Variants in SSBP2 observed in about 807,000 individuals in gnomAD.
SSBP2 encodes single-stranded DNA-binding protein 2.
A neutral mutation model predicts 61.8 loss-of-function variants in SSBP2; 17 were observed. That is an observed-to-expected ratio of 0.28 (90% confidence interval 0.19 to 0.41). SSBP2 has a LOEUF of 0.41. SSBP2 is among the 10% of genes least tolerant of loss of function. The pLI is 1.00. For synonymous variants in SSBP2, 139 were observed against 141.3 expected, an observed-to-expected ratio of 0.98 and a Z score of 0.12; for missense variants, 310 against 458.7, an observed-to-expected ratio of 0.68 and a Z score of 2.96.
chr5:81,628,705 TAAAC>T (rs780779243), intron 3 of SSBP2, among the ~76,000 whole-genome samples: 1 of 151,796 alleles, frequency 6.6e-6, no homozygotes, highest in Non-Finnish European at 1.5e-5. Flanking sequence ...ATGGGGTAAA[TAAAC>T]TAAAAAGGAA....
At chr5:81,422,343 A>AG (rs1169643565) in intron 16 of SSBP2, among the ~76,000 whole-genome samples, 1 of 152,164 alleles carries the variant, frequency 6.6e-6, no homozygotes, top group African/African-American at 2.4e-5. Flanking sequence ...AGGACTCCCC[A>AG]GGGAAGAGCA....
intron 4 of SSBP2, among the ~76,000 whole-genome samples, chr5:81,581,077 A>T (rs1774605180): frequency 1.3e-5 from 2 of 152,206 alleles, no homozygotes; most frequent in Non-Finnish European, 1.5e-5. Context: ...TAAACAGTCT[A>T]CTACTCTGGT....
At chr5:81,604,245 C>A (rs1336643721) in intron 4 of SSBP2, among the ~76,000 whole-genome samples, 1 of 148,630 alleles carries the variant, frequency 6.7e-6, no homozygotes, top group African/African-American at 2.5e-5. Flanking sequence ...CATGAATTTT[C>A]TTTTCTTTTC....
intron 10 of SSBP2, among the ~76,000 whole-genome samples, chr5:81,459,293 G>A (rs564346377): frequency 7.2e-5 from 11 of 152,196 alleles, no homozygotes; most frequent in Non-Finnish European, 1.5e-4. Flanking sequence ...TGTTTACTTG[G>A]ATAATATACC....
rs1410144707 is a variant in SSBP2, at chr5:81,554,747, A to G, written c.283-41030T>C. 2.0e-5 allele frequency among the ~76,000 whole-genome samples: 3 copies of G among 152,108 alleles called. 1 individual carries two copies. Among genetic ancestry groups the G allele is most frequent in the Non-Finnish European group, 1.5e-5 (1 of 67,954 alleles). ...GTTTATGGGCAAGCCAGTAATTTGT[A>G]TCCTAAGCTTTTATACTAAGATAGC... is the stretch of plus-strand genomic sequence containing the variant. On this transcript the variant is annotated intron_variant, in intron 4 of 16. Transcript: ENST00000320672.
intron 14 of SSBP2, among the ~76,000 whole-genome samples, chr5:81,440,019 G>T (rs539951844): frequency 1.4e-4 from 21 of 152,046 alleles, no homozygotes; most frequent in Non-Finnish European, 2.1e-4. Context: ...TCTTTATCAC[G>T]AAGACAATGT....
intron 2 of SSBP2, among the ~76,000 whole-genome samples, chr5:81,646,957 A>C (rs1749327077): frequency 6.6e-6 from 1 of 152,038 alleles, no homozygotes; most frequent in African/African-American, 2.4e-5. Context: ...GGAAAACCCA[A>C]GCAGCTAGAT....
chr5:81,458,977 T>C (rs1007232911), intron 10 of SSBP2, among the ~76,000 whole-genome samples: 3 of 152,206 alleles, frequency 2.0e-5, no homozygotes, highest in Non-Finnish European at 4.4e-5. Context: ...CCTATTCTCA[T>C]ACTTTGAGTA....
At chr5:81,523,843 G>C in intron 4 of SSBP2, among the ~76,000 whole-genome samples, 1 of 152,050 alleles carries the variant, frequency 6.6e-6, no homozygotes, top group Admixed American at 6.6e-5. Flanking sequence ...ACCTTAAAGA[G>C]CATTTCGAAA....
chr5:81,478,277 C>A (rs1230246852), intron 6 of SSBP2, among the ~76,000 whole-genome samples: 1 of 152,114 alleles, frequency 6.6e-6, no homozygotes, highest in East Asian at 1.9e-4. Context: ...TCCTCTGCTG[C>A]AGCCTCCCGA....
At chr5:81,493,793 T>G (rs1297524310) in intron 5 of SSBP2, among the ~76,000 whole-genome samples, 1 of 151,908 alleles carries the variant, frequency 6.6e-6, no homozygotes, top group Non-Finnish European at 1.5e-5. Flanking sequence ...AGATGGGTGC[T>G]CGCTCTGCTG....
At chr5:81,712,958 G>A (rs1581402377) in intron 1 of SSBP2, among the ~76,000 whole-genome samples, 2 of 151,824 alleles carry the variant, frequency 1.3e-5, no homozygotes, top group African/African-American at 4.8e-5. Flanking sequence ...GAACTTCTGG[G>A]CTCAAGCAAT....
At chr5:81,645,298 A>G (rs1041373747) in intron 2 of SSBP2, among the ~76,000 whole-genome samples, 3 of 152,182 alleles carry the variant, frequency 2.0e-5, no homozygotes, top group Admixed American at 6.5e-5. Context: ...TTCTCTCTTC[A>G]TATAGGTAAA....
At chr5:81,581,214 C>T (rs887050556) in intron 4 of SSBP2, among the ~76,000 whole-genome samples, 5 of 152,110 alleles carry the variant, frequency 3.3e-5, no homozygotes, top group African/African-American at 9.7e-5. Context: ...TAAGTAAGAT[C>T]GAGTCCCTTA....
At chr5:81,569,953 C>T (rs1052363938) in intron 4 of SSBP2, among the ~76,000 whole-genome samples, 1 of 152,052 alleles carries the variant, frequency 6.6e-6, no homozygotes, top group Non-Finnish European at 1.5e-5. Flanking sequence ...AACTGTATCA[C>T]CCTTGACTGG....
intron 4 of SSBP2, among the ~76,000 whole-genome samples, chr5:81,603,735 C>T (rs1397505876): frequency 2.0e-5 from 3 of 152,118 alleles, no homozygotes; most frequent in Middle Eastern, 3.4e-3. Context: ...GACAACTATT[C>T]GTTATTAGGT....
Position 81,471,649 on chromosome 5 carries a change from T to C in SSBP2, c.570+2051A>G, listed in dbSNP as rs899874649. ...CATGTATCATCATTCCTAATATGAA[T>C]AGAAATAGGTAAGAATAATTCAAAT... On this transcript the variant is annotated intron_variant, in intron 8 of 16. Transcript: ENST00000320672. Among the ~76,000 whole-genome samples the C allele has an allele frequency of 2.0e-4, 30 of 152,090 alleles. 1 individual carries two copies. Among genetic ancestry groups the C allele is most frequent in the Admixed American group, 1.7e-3 (26 of 15,258 alleles).
intron 5 of SSBP2, 134 bp from the exon 6 acceptor site, chr5:81,489,443 C>T: frequency 1.5e-6 from 1 of 668,802 alleles, no homozygotes; most frequent in South Asian, 2.6e-5. Context: ...CTGCTTTCAG[C>T]ATAATAAATG....
intron 4 of SSBP2, among the ~76,000 whole-genome samples, chr5:81,614,179 T>G (rs1745754818): frequency 6.6e-6 from 1 of 152,012 alleles, no homozygotes; most frequent in Non-Finnish European, 1.5e-5. Flanking sequence ...GCTAACACGG[T>G]GAAACCCCGT....
Sources: gnomAD v4.1 joint callset for allele counts (sites outside exome capture counted in the v4.1 genomes callset) on GRCh38, gnomAD v4.1.1 for gene constraint, MANE v1.5 for transcripts, NCBI Gene and HGNC (gene_info 2026-07-23, HGNC 2026-07-21) for gene names.